Variants in RELL1 observed in about 807,000 individuals in gnomAD.
RELL1 encodes the protein RELT-like protein 1.
In RELL1, 10 loss-of-function variants were observed where a neutral mutation model predicts 23.0. The observed-to-expected ratio is 0.43, with a 90% confidence interval of 0.27 to 0.74. The LOEUF (loss-of-function observed/expected upper bound fraction) is 0.74, where lower values mean the gene tolerates loss of function less well. Ranked by LOEUF, RELL1 falls within the 30% of genes least tolerant of loss-of-function variation. RELL1 has a pLI of 0.19. For synonymous variants in RELL1, 146 were observed against 146.8 expected (o/e 0.99, Z 0.04); for missense variants, 315 against 364.4 (o/e 0.86, Z 1.10).
chr4:37,656,975 C>T (rs1005997087), intron 1 of RELL1, among the ~76,000 whole-genome samples: 1 of 152,176 alleles, frequency 6.6e-6, no homozygotes, highest in Admixed American at 6.5e-5. Context: ...GAAGACACAA[C>T]CCAAGAGAAA....
chr4:37,614,945 T>C (rs1719527851), intron 6 of RELL1, among the ~76,000 whole-genome samples: 1 of 152,112 alleles, frequency 6.6e-6, no homozygotes, highest in Non-Finnish European at 1.5e-5. Context: ...TGACCGGCTT[T>C]AAGAACTGGG....
At chr4:37,590,467 G>T, downstream of RELL1, 1 of 1,611,044 alleles carries the variant, frequency 6.2e-7, no homozygotes, top group Non-Finnish European at 8.5e-7. Context: ...ACCCTTCCTG[G>T]AAGGAGGGGG....
intron 1 of RELL1, among the ~76,000 whole-genome samples, chr4:37,658,568 G>A (rs1021964795): frequency 3.3e-5 from 5 of 152,282 alleles, no homozygotes; most frequent in Admixed American, 6.5e-5. Context: ...TCAAGGTCAC[G>A]TGGCTACCAA....
chr4:37,660,893 T>C (rs563295244), intron 1 of RELL1, among the ~76,000 whole-genome samples: 3 of 151,918 alleles, frequency 2.0e-5, no homozygotes, highest in Admixed American at 6.6e-5. Context: ...TAGCCAGGCA[T>C]GGTGGCGGGC....
At chr4:37,648,531 A>G (rs988151887) in intron 2 of RELL1, among the ~76,000 whole-genome samples, 3 of 152,260 alleles carry the variant, frequency 2.0e-5, no homozygotes, top group African/African-American at 4.8e-5. Context: ...GGCCCAAGTC[A>G]GGAAACATCC....
intron 3 of RELL1, among the ~76,000 whole-genome samples, chr4:37,639,527 A>AAT (rs970091557): frequency 2.6e-5 from 4 of 151,938 alleles, no homozygotes; most frequent in Non-Finnish European, 5.9e-5. Context: ...AAAGCAAAAA[A>AAT]AAAAACCTAA....
intron 1 of RELL1, among the ~76,000 whole-genome samples, chr4:37,683,855 G>T (rs1483688218): frequency 6.6e-6 from 1 of 152,060 alleles, no homozygotes; most frequent in Admixed American, 6.6e-5. Context: ...GCCAAGGTGG[G>T]CGGATCACGA....
At chr4:37,643,471 A>G (rs1207311689) in intron 3 of RELL1, among the ~76,000 whole-genome samples, 5 of 152,228 alleles carry the variant, frequency 3.3e-5, no homozygotes, top group African/African-American at 4.8e-5. Context: ...TCATGATTGC[A>G]AATGTTTACG....
At chr4:37,651,046 C>A (rs891716090) in intron 1 of RELL1, among the ~76,000 whole-genome samples, 110 of 111,736 alleles carry the variant, frequency 9.8e-4, no homozygotes, top group African/African-American at 3.1e-3. Context: ...GGTGACAGAG[C>A]AAGACTGTCT....
At chr4:37,594,191 G>A (rs990967195) in intron 6 of RELL1, among the ~76,000 whole-genome samples, 2 of 152,176 alleles carry the variant, frequency 1.3e-5, no homozygotes, top group African/African-American at 4.8e-5. Flanking sequence ...GGAAATGAAA[G>A]TAAAAAATCT....
chr4:37,679,466 A>G (rs1722133319), intron 1 of RELL1, among the ~76,000 whole-genome samples: 1 of 152,320 alleles, frequency 6.6e-6, no homozygotes, highest in African/African-American at 2.4e-5. Context: ...TAAATGAGTC[A>G]CAGAAGCGAA....
chr4:37,631,456 C>A lies in RELL1; in HGVS notation c.748G>T (p.Gly250Trp), dbSNP rs548898277. 6 of 1,614,150 alleles carry A rather than the reference C, an allele frequency of 3.7e-6. No homozygotes were observed. Among genetic ancestry groups the A allele is most frequent in the Non-Finnish European group, 5.1e-6 (6 of 1,180,018 alleles). Residue 250 changes from glycine to tryptophan, a missense_variant, in exon 6 of 7, where the codon GGG becomes TGG. Physicochemically the swap from Gly to Trp is radical, Grantham distance 184. Coordinates refer to ENST00000454158, the MANE Select transcript of RELL1 (RefSeq NM_001085400.2). ...ACCTCCCCATTGACGGTTTCAGCCC[C>A]ACTAACAGACATCAGGCTTCTCCGT... ...KERRSLMSVS[G>W]AETVNGEVPA...
At chr4:37,665,482 C>G (rs1721501294) in intron 1 of RELL1, 2 of 356,782 alleles carry the variant, frequency 5.6e-6, no homozygotes, top group Non-Finnish European at 1.1e-5. Flanking sequence ...TCATCCCCAA[C>G]TGCCAGATCC....
chr4:37,591,734 G>C (rs979241640), intron 6 of RELL1: 2 of 152,126 alleles, frequency 1.3e-5, no homozygotes, highest in African/African-American at 2.4e-5. Flanking sequence ...TGTCATATTT[G>C]GATTTTAAGT....
At chr4:37,628,196 A>G (rs746088205) in intron 6 of RELL1, among the ~76,000 whole-genome samples, 11 of 152,108 alleles carry the variant, frequency 7.2e-5, no homozygotes, top group Admixed American at 1.3e-4. Flanking sequence ...AGCAGGCTCT[A>G]CTCATGGGAC....
chr4:37,669,978 A>C (rs1476743289), intron 1 of RELL1, among the ~76,000 whole-genome samples: 1 of 150,786 alleles, frequency 6.6e-6, no homozygotes, highest in Admixed American at 6.6e-5. Flanking sequence ...TCCCTCCACT[A>C]TTGTCCTGTG....
At position 37,612,460 on chromosome 4, in the gene RELL1, A is replaced by AC. The variant is rs1719435646; in HGVS notation, c.*885dup. ...AGACCAGCCTGACCAATATAGTGATACCCCGTCTCTACTAAAAATACAAAA... is the reference window on the plus strand; with the variant it reads ...AGACCAGCCTGACCAATATAGTGATACCCCCGTCTCTACTAAAAATACAAAA... On this transcript the variant is annotated 3_prime_UTR_variant, in exon 7 of 7. Transcript: ENST00000454158. Among the ~76,000 whole-genome samples, 1 of 151,638 alleles carries AC rather than the reference A, an allele frequency of 6.6e-6. No individual in the cohort carries two copies. The highest frequency in any genetic ancestry group is 6.6e-5 in the Admixed American group (1 of 15,222).
At chr4:37,633,774 C>G (rs1408679477) in intron 5 of RELL1, among the ~76,000 whole-genome samples, 1 of 152,192 alleles carries the variant, frequency 6.6e-6, no homozygotes, top group South Asian at 2.1e-4. Context: ...CTAGTCTACA[C>G]ACAGCAACTC....
chr4:37,619,167 C>G (rs1719681867), intron 6 of RELL1, among the ~76,000 whole-genome samples: 1 of 151,122 alleles, frequency 6.6e-6, no homozygotes, highest in African/African-American at 2.4e-5. Flanking sequence ...GCGTGAGCCA[C>G]TGCACCCACC....
Sources: gnomAD v4.1 joint callset for allele counts (sites outside exome capture counted in the v4.1 genomes callset) on GRCh38, gnomAD v4.1.1 for gene constraint, MANE v1.5 for transcripts, NCBI Gene and HGNC (gene_info 2026-07-23, HGNC 2026-07-21) for gene names.